The following MBNL2 variants were observed in gnomAD, a reference collection of about 807,000 sequenced individuals.
MBNL2 encodes muscleblind like splicing regulator 2.
MBNL2 carries 17 observed loss-of-function variants against 41.9 expected under a neutral mutation model. That is an observed-to-expected ratio of 0.41 (90% CI 0.28 to 0.61). The LOEUF is 0.61. Among genes scored for constraint, MBNL2 ranks in the 20% least tolerant of loss-of-function variants. The probability of loss-of-function intolerance (pLI) is 0.35; values close to 1 mark genes in which losing one functional copy is unlikely to be tolerated. For synonymous variants in MBNL2, 195 were observed against 182.9 expected (o/e 1.07, Z -0.53); for missense variants, 336 against 505.6 (o/e 0.66, Z 3.22).
chr13:97,196,693 TG>T, the MBNL2 span, among the ~76,000 whole-genome samples: 1 of 152,186 alleles, frequency 6.6e-6, no homozygotes, highest in Non-Finnish European at 1.5e-5. Flanking sequence ...TGATGAATCC[TG>T]GGTGTCCATA....
intron 5 of MBNL2, among the ~76,000 whole-genome samples, chr13:97,350,467 C>A (rs1194775538): frequency 3.3e-5 from 5 of 152,204 alleles, no homozygotes; most frequent in Admixed American, 2.0e-4. Context: ...TGAAAGATTT[C>A]TCTGTAGCCT....
At chr13:97,148,984 T>A in the MBNL2 span, among the ~76,000 whole-genome samples, 1 of 152,210 alleles carries the variant, frequency 6.6e-6, no homozygotes, top group Non-Finnish European at 1.5e-5. Flanking sequence ...AGGCTCCAAC[T>A]CAACTCTGAA....
chr13:97,303,946 C>T (rs1396632849), intron 2 of MBNL2, among the ~76,000 whole-genome samples: 7 of 152,180 alleles, frequency 4.6e-5, no homozygotes, highest in Admixed American at 2.6e-4. Flanking sequence ...ATTGGATATA[C>T]ACCGACTCTT....
At chr13:97,198,130 A>G in the MBNL2 span, among the ~76,000 whole-genome samples, 1 of 152,174 alleles carries the variant, frequency 6.6e-6, no homozygotes, top group African/African-American at 2.4e-5. Context: ...ATTAAAATTT[A>G]AAGTAGTAGA....
rs2066446912 is a variant in MBNL2, at chr13:97,393,630, G to C, written c.*2181G>C. ...CAAATGCATAGATGTACAAATATAT[G>C]TACAACAGATTTTGCTTTTTATTTA... On this transcript the variant is annotated 3_prime_UTR_variant, in exon 9 of 9. Coordinates refer to ENST00000679496, the MANE Select transcript of MBNL2 (RefSeq NM_001382683.1). 6.6e-6 allele frequency: 1 copy of C among 152,432 alleles called. No individual in the cohort carries two copies. The highest frequency in any genetic ancestry group is 1.5e-5 in the Non-Finnish European group (1 of 67,948). 9.4% of individuals were successfully genotyped at this position (152,432 alleles called of 1,614,324 possible).
the MBNL2 span, among the ~76,000 whole-genome samples, chr13:97,215,428 A>G: frequency 6.6e-6 from 1 of 152,334 alleles, no homozygotes; most frequent in African/African-American, 2.4e-5. Flanking sequence ...CATGATTTCA[A>G]TAGAATCACA....
intron 2 of MBNL2, among the ~76,000 whole-genome samples, chr13:97,329,598 C>T (rs1232387889): frequency 3.3e-4 from 1 of 3,074 alleles, no homozygotes; most frequent in Admixed American, 3.1e-3. Flanking sequence ...CTCTAAAGAA[C>T]ATTCAACACC....
the MBNL2 span, among the ~76,000 whole-genome samples, chr13:97,209,882 G>A: frequency 9.2e-5 from 14 of 152,084 alleles, no homozygotes; most frequent in African/African-American, 2.7e-4. Context: ...TGCAACCTCC[G>A]CCTCCTGGGT....
At chr13:97,199,804 T>C in the MBNL2 span, among the ~76,000 whole-genome samples, 1 of 152,228 alleles carries the variant, frequency 6.6e-6, no homozygotes, top group Non-Finnish European at 1.5e-5. Context: ...ATAGTTTTCT[T>C]ATCTTATAGG....
intron 1 of MBNL2, among the ~76,000 whole-genome samples, chr13:97,269,797 T>C (rs901224979): frequency 2.6e-5 from 4 of 152,058 alleles, no homozygotes; most frequent in African/African-American, 4.8e-5. Context: ...AGTCAGACCA[T>C]TGATCTCTAG....
At chr13:97,145,347 G>C in the MBNL2 span, among the ~76,000 whole-genome samples, 1 of 152,154 alleles carries the variant, frequency 6.6e-6, no homozygotes, top group East Asian at 1.9e-4. Context: ...AGAAAGAAAA[G>C]AGAAAGAAAG....
chr13:97,284,440 G>C (rs1352616664), intron 2 of MBNL2, among the ~76,000 whole-genome samples: 1 of 152,032 alleles, frequency 6.6e-6, no homozygotes, highest in Non-Finnish European at 1.5e-5. Context: ...TCATCTTCCT[G>C]GTGTTTGAGT....
chr13:97,258,048 C>A (rs1247641045), intron 1 of MBNL2, among the ~76,000 whole-genome samples: 2 of 151,976 alleles, frequency 1.3e-5, no homozygotes, highest in Non-Finnish European at 2.9e-5. Context: ...CTGAGGAGCG[C>A]CCCCCGTCTG....
chr13:97,316,272 G>A (rs1353183856), intron 2 of MBNL2, among the ~76,000 whole-genome samples: 2 of 152,150 alleles, frequency 1.3e-5, no homozygotes, highest in Non-Finnish European at 2.9e-5. Context: ...TCCACTGCCA[G>A]CAGCCTGGTC....
chr13:97,354,902 C>A (rs1031997542), intron 5 of MBNL2, among the ~76,000 whole-genome samples: 2 of 152,104 alleles, frequency 1.3e-5, no homozygotes, highest in Non-Finnish European at 2.9e-5. Flanking sequence ...TTGAGTTTAA[C>A]GATCCAGTTC....
intron 2 of MBNL2, among the ~76,000 whole-genome samples, chr13:97,311,732 C>T (rs1358840122): frequency 6.6e-6 from 1 of 151,560 alleles, no homozygotes; most frequent in Non-Finnish European, 1.5e-5. Context: ...GCTTTGAGGT[C>T]ATGGAAGCTG....
intron 1 of MBNL2, among the ~76,000 whole-genome samples, chr13:97,243,377 G>A (rs2044723182): frequency 6.6e-6 from 1 of 152,138 alleles, no homozygotes; most frequent in Admixed American, 6.5e-5. Flanking sequence ...CATTAGCCTG[G>A]CTGCTATTCT....
At chr13:97,179,588 T>C in the MBNL2 span, 1 of 152,308 alleles carries the variant, frequency 6.6e-6, no homozygotes, top group Non-Finnish European at 1.5e-5. Context: ...GGACTTAAAT[T>C]CCAGGCTTGC....
intron 8 of MBNL2, among the ~76,000 whole-genome samples, chr13:97,369,260 A>C (rs2064143722): frequency 6.6e-6 from 1 of 152,198 alleles, no homozygotes; most frequent in Non-Finnish European, 1.5e-5. Context: ...CTCAAATAGA[A>C]TCATACCCAC....
Sources: allele counts gnomAD v4.1 joint callset (sites outside exome capture counted in the v4.1 genomes callset), GRCh38; gene constraint gnomAD v4.1.1; transcripts MANE v1.5; gene names NCBI Gene and HGNC (gene_info 2026-07-23, HGNC 2026-07-21).